Variants in CREB5 observed in about 807,000 individuals in gnomAD.
The protein encoded by CREB5 is cAMP responsive element binding protein 5.
In CREB5, 19 loss-of-function variants were observed where a neutral mutation model predicts 57.1. The observed-to-expected ratio is 0.33, with a 90% confidence interval of 0.23 to 0.49. The LOEUF (loss-of-function observed/expected upper bound fraction) is 0.49, where lower values mean the gene tolerates loss of function less well. Among genes scored for constraint, CREB5 ranks in the 20% least tolerant of loss-of-function variants. CREB5 has a pLI of 0.99. For synonymous variants in CREB5, 238 were observed against 238.3 expected (o/e 1.00, Z 0.01); for missense variants, 579 against 671.6 (o/e 0.86, Z 1.52).
chr7:28,493,191 T>C (rs1203372400), intron 2 of CREB5, among the ~76,000 whole-genome samples: 1 of 152,232 alleles, frequency 6.6e-6, no homozygotes, highest in African/African-American at 2.4e-5. Flanking sequence ...AATTAAAACT[T>C]ATATTGACTA....
chr7:28,649,359 T>G (rs553817320), intron 5 of CREB5, among the ~76,000 whole-genome samples: 107 of 152,334 alleles, frequency 7.0e-4, no homozygotes, highest in African/African-American at 2.5e-3. Context: ...CATGTAAAAC[T>G]CAAATGAATT....
chr7:28,700,544 G>C (rs757981), intron 5 of CREB5, among the ~76,000 whole-genome samples: 1 of 152,140 alleles, frequency 6.6e-6, no homozygotes. Context: ...AATAATTTTA[G>C]CTGTGTTTCT....
At chr7:28,589,616 C>T (rs1413702471) in intron 5 of CREB5, among the ~76,000 whole-genome samples, 1 of 152,074 alleles carries the variant, frequency 6.6e-6, no homozygotes, top group Non-Finnish European at 1.5e-5. Flanking sequence ...CTTTTTGTTG[C>T]TGTTTACAAA....
intron 5 of CREB5, among the ~76,000 whole-genome samples, chr7:28,652,232 T>C (rs1157209651): frequency 1.3e-5 from 2 of 152,212 alleles, no homozygotes; most frequent in African/African-American, 4.8e-5. Context: ...CAATATTAGT[T>C]ATTAAAATTA....
chr7:28,720,278 C>A (rs1395098399), intron 6 of CREB5, among the ~76,000 whole-genome samples: 1 of 152,212 alleles, frequency 6.6e-6, no homozygotes, highest in Non-Finnish European at 1.5e-5. Flanking sequence ...ACAATATTAA[C>A]AATGCCTTGC....
chr7:28,514,011 G>A (rs908249703), intron 4 of CREB5, among the ~76,000 whole-genome samples: 10 of 152,112 alleles, frequency 6.6e-5, no homozygotes, highest in African/African-American at 2.4e-4. Context: ...TTAAGTGTTC[G>A]ATGTAGATGA....
At chr7:28,383,169 G>T (rs2127996320) in intron 1 of CREB5, among the ~76,000 whole-genome samples, 1 of 152,264 alleles carries the variant, frequency 6.6e-6, no homozygotes, top group Middle Eastern at 3.4e-3. Flanking sequence ...GCAAGGGATT[G>T]GTGGATTCGT....
intron 4 of CREB5, among the ~76,000 whole-genome samples, chr7:28,560,913 T>TGTGTGTGC (rs1211404751): frequency 9.1e-5 from 2 of 21,998 alleles, no homozygotes; most frequent in Non-Finnish European, 1.9e-4. Flanking sequence ...CGCGTGCGTG[T>TGTGTGTGC]GCGTGTGTGC....
At chr7:28,487,804 G>T (rs1791631193) in intron 1 of CREB5, among the ~76,000 whole-genome samples, 1 of 152,190 alleles carries the variant, frequency 6.6e-6, no homozygotes, top group Non-Finnish European at 1.5e-5. Context: ...CTTTCAGCAG[G>T]ACTGGACAAG....
At chr7:28,747,030 A>G (rs1336020293) in intron 7 of CREB5, among the ~76,000 whole-genome samples, 1 of 152,002 alleles carries the variant, frequency 6.6e-6, no homozygotes, top group Non-Finnish European at 1.5e-5. Context: ...GGCTTTTCAT[A>G]CCTTATTTTC....
intron 5 of CREB5, among the ~76,000 whole-genome samples, chr7:28,670,383 A>G (rs1459156171): frequency 1.3e-5 from 2 of 152,254 alleles, no homozygotes; most frequent in African/African-American, 4.8e-5. Context: ...GCAGAAAACC[A>G]AGCTGTGAAT....
At chr7:28,715,932 T>A (rs1411778168) in intron 5 of CREB5, among the ~76,000 whole-genome samples, 1 of 152,160 alleles carries the variant, frequency 6.6e-6, no homozygotes, top group Non-Finnish European at 1.5e-5. Context: ...ATACTTGATA[T>A]TTTAAAATCT....
intron 7 of CREB5, among the ~76,000 whole-genome samples, chr7:28,743,838 C>CT (rs58302393): frequency 0.34 from 26,195 of 76,888 alleles, 3,854 homozygotes; most frequent in African/African-American, 0.47. Context: ...ATCTCCTTTT[C>CT]TTTTTTTTTT....
chr7:28,383,674 T>C (rs1428573483), intron 1 of CREB5, among the ~76,000 whole-genome samples: 1 of 152,158 alleles, frequency 6.6e-6, no homozygotes, highest in Non-Finnish European at 1.5e-5. Context: ...ATCAAGGCGA[T>C]GGTGCTAAAC....
chr7:28,306,751 C>T (rs1482500033), intron 1 of CREB5, among the ~76,000 whole-genome samples: 2 of 151,824 alleles, frequency 1.3e-5, no homozygotes, highest in Non-Finnish European at 2.9e-5. Flanking sequence ...TTAGTAGAGA[C>T]GGGGTTTCAC....
chr7:28,569,025 T>C (rs1029791011), intron 4 of CREB5, among the ~76,000 whole-genome samples: 1 of 152,196 alleles, frequency 6.6e-6, no homozygotes, highest in African/African-American at 2.4e-5. Context: ...CTTCAACCCA[T>C]TGTCCAATAG....
At chr7:28,671,105 A>C (rs1430470338) in intron 5 of CREB5, among the ~76,000 whole-genome samples, 1 of 151,926 alleles carries the variant, frequency 6.6e-6, no homozygotes, top group African/African-American at 2.4e-5. Flanking sequence ...CCCTGCAAAA[A>C]TTTTTAAAAA....
chr7:28,359,490 A>C (rs566541835), intron 1 of CREB5, among the ~76,000 whole-genome samples: 2 of 152,204 alleles, frequency 1.3e-5, no homozygotes, highest in Non-Finnish European at 2.9e-5. Flanking sequence ...TGTTCAATAA[A>C]GGGTGTTGAG....
rs140954041 is a variant in CREB5 at position 28,767,371 on chromosome 7, C to A, written c.703-36828C>A. Among the ~76,000 whole-genome samples the A allele has an allele frequency of 1.6e-3, 241 of 152,302 alleles. 1 individual carries two copies. Among genetic ancestry groups the A allele is most frequent in the Non-Finnish European group, 2.8e-3 (191 of 68,040 alleles). On this transcript the variant is annotated intron_variant, in intron 7 of 10. Transcript: ENST00000357727. ...GGAAATTCTAAGATGGGTTAGCCAG[C>A]CTCTCTTGAGTTGATATATTCATGA...
Sources: gnomAD v4.1 joint callset for allele counts (sites outside exome capture counted in the v4.1 genomes callset) on GRCh38, gnomAD v4.1.1 for gene constraint, MANE v1.5 for transcripts, NCBI Gene and HGNC (gene_info 2026-07-23, HGNC 2026-07-21) for gene names.